The following MDFIC variants were observed in gnomAD, a reference collection of about 807,000 sequenced individuals.
The protein encoded by MDFIC is MyoD family inhibitor domain containing.
In MDFIC, 17 loss-of-function variants were observed where a neutral mutation model predicts 23.2. The ratio of observed to expected loss-of-function variants is 0.73; its 90% CI spans 0.50 to 1.10. MDFIC has a LOEUF of 1.10. Among genes scored for constraint, MDFIC ranks in the 50% least tolerant of loss-of-function variants. MDFIC has a pLI of 0.00. For missense variants in MDFIC, 356 were observed against 316.6 expected (o/e 1.12, Z -0.95); for synonymous variants, 120 against 115.2 (o/e 1.04, Z -0.27).
At chr7:115,005,295 G>A (rs1225770368) in intron 4 of MDFIC, among the ~76,000 whole-genome samples, 2 of 152,190 alleles carry the variant, frequency 1.3e-5, no homozygotes, top group African/African-American at 4.8e-5. Context: ...ATACTTGGCT[G>A]TCTTTGCCAC....
intron 3 of MDFIC, among the ~76,000 whole-genome samples, chr7:114,965,705 TG>T (rs1793081660): frequency 6.6e-6 from 1 of 152,214 alleles, no homozygotes; most frequent in Admixed American, 6.5e-5. Flanking sequence ...ATTCCCTCTC[TG>T]ACATCTATTA....
intron 4 of MDFIC, among the ~76,000 whole-genome samples, chr7:115,010,575 T>C (rs887867480): frequency 3.9e-5 from 6 of 152,196 alleles, no homozygotes; most frequent in African/African-American, 1.4e-4. Flanking sequence ...TCTATGATCT[T>C]GTAAATGCAT....
At chr7:114,925,008 C>T (rs1792161858) in intron 2 of MDFIC, among the ~76,000 whole-genome samples, 1 of 152,116 alleles carries the variant, frequency 6.6e-6, no homozygotes, top group Non-Finnish European at 1.5e-5. Flanking sequence ...TCTTTATCAT[C>T]CTTTCTGAAG....
At chr7:114,985,292 G>A (rs1328461262) in intron 4 of MDFIC, among the ~76,000 whole-genome samples, 1 of 152,124 alleles carries the variant, frequency 6.6e-6, no homozygotes, top group East Asian at 1.9e-4. Flanking sequence ...TGTTCGATAT[G>A]TGTTAGCTGC....
intron 3 of MDFIC, among the ~76,000 whole-genome samples, chr7:114,973,298 C>G (rs746097300): frequency 6.6e-6 from 1 of 152,064 alleles, no homozygotes; most frequent in Non-Finnish European, 1.5e-5. Context: ...AGGCTCCCCT[C>G]CCTGCTGCCA....
At chr7:114,927,685 A>G (rs1792220734) in intron 2 of MDFIC, among the ~76,000 whole-genome samples, 1 of 152,174 alleles carries the variant, frequency 6.6e-6, no homozygotes, top group South Asian at 2.1e-4. Context: ...ACATATGGCA[A>G]AACAAGGAAA....
chr7:114,982,847 T>G (rs528471918), intron 4 of MDFIC, among the ~76,000 whole-genome samples: 71 of 152,344 alleles, frequency 4.7e-4, no homozygotes, highest in African/African-American at 1.2e-3. Context: ...TCTAAGATGA[T>G]GCCTTGTTGC....
chr7:114,950,985 G>T (rs545513638), intron 3 of MDFIC, among the ~76,000 whole-genome samples: 2 of 151,982 alleles, frequency 1.3e-5, no homozygotes, highest in East Asian at 3.9e-4. Context: ...AAAAGCCAGG[G>T]CAATATAGTG....
At chr7:114,936,695 A>C (rs1274195342) in intron 2 of MDFIC, among the ~76,000 whole-genome samples, 1 of 152,196 alleles carries the variant, frequency 6.6e-6, no homozygotes, top group Admixed American at 6.5e-5. Context: ...GGGATGTGAA[A>C]CTAGCTGAGC....
At chr7:115,010,970 T>A (rs921428424) in intron 4 of MDFIC, among the ~76,000 whole-genome samples, 42 of 152,324 alleles carry the variant, frequency 2.8e-4, no homozygotes, top group African/African-American at 9.9e-4. Flanking sequence ...AATAATTTTT[T>A]AAAAAGAAAA....
At chr7:114,986,017 G>A (rs929912581) in intron 4 of MDFIC, among the ~76,000 whole-genome samples, 9 of 146,518 alleles carry the variant, frequency 6.1e-5, no homozygotes, top group African/African-American at 1.5e-4. Flanking sequence ...CATCTGCACC[G>A]TGATTACCTT....
intron 3 of MDFIC, among the ~76,000 whole-genome samples, chr7:114,976,076 A>T (rs1013233526): frequency 2.6e-5 from 4 of 152,168 alleles, no homozygotes; most frequent in Admixed American, 1.3e-4. Context: ...ATTTGCAAAT[A>T]GTCAATTTTG....
chr7:114,954,763 G>T (rs1792852953), intron 3 of MDFIC, among the ~76,000 whole-genome samples: 1 of 152,184 alleles, frequency 6.6e-6, no homozygotes, highest in Non-Finnish European at 1.5e-5. Context: ...TGTCCTGGGA[G>T]AATTAGTAAA....
chr7:114,957,513 A>G (rs1007590418), intron 3 of MDFIC, among the ~76,000 whole-genome samples: 1 of 152,160 alleles, frequency 6.6e-6, no homozygotes, highest in African/African-American at 2.4e-5. Context: ...TAATAAGTAA[A>G]AAAAAGATCA....
chr7:114,925,505 A>G (rs904990142), intron 2 of MDFIC, among the ~76,000 whole-genome samples: 2 of 152,140 alleles, frequency 1.3e-5, no homozygotes, highest in Non-Finnish European at 2.9e-5. Flanking sequence ...AAGGCTTTCT[A>G]TTGTTTTGAA....
At chr7:114,983,773 G>T (rs562855278) in intron 4 of MDFIC, among the ~76,000 whole-genome samples, 1 of 151,706 alleles carries the variant, frequency 6.6e-6, no homozygotes, top group Non-Finnish European at 1.5e-5. Flanking sequence ...GTTTCACCAC[G>T]TTGGCCAGGC....
intron 4 of MDFIC, among the ~76,000 whole-genome samples, chr7:115,013,616 G>C (rs1343935562): frequency 1.3e-5 from 2 of 152,188 alleles, no homozygotes; most frequent in Non-Finnish European, 2.9e-5. Flanking sequence ...TCACTTGAAG[G>C]TACATTGAAT....
At position 114,922,688 on chromosome 7, in the gene MDFIC, G is replaced by T. The variant is rs1003882577; in HGVS notation, c.-108+52G>T. 19 of 1,343,976 alleles carry T rather than the reference G, an allele frequency of 1.4e-5. No homozygotes were observed. The African/African-American group carries it at 2.8e-4, about 20-fold the overall frequency. 83.3% of individuals were successfully genotyped at this position (1,343,976 alleles called of 1,614,324 possible). Reference sequence around the variant, plus strand: ...GAGGAGGGGTTTGATCCCCATCCCCGGGGTTCTCCCAAACCCGATCTCTCT... The same window carrying T: ...GAGGAGGGGTTTGATCCCCATCCCCTGGGTTCTCCCAAACCCGATCTCTCT... On this transcript the variant is annotated intron_variant, in intron 1 of 4. Coordinates refer to ENST00000393486, the MANE Select transcript of MDFIC (RefSeq NM_001166345.3).
chr7:114,923,206 G>A, intron 2 of MDFIC, 79 bp downstream of exon 2: 1 of 1,496,772 alleles, frequency 6.7e-7, no homozygotes, highest in African/African-American at 1.4e-5. Flanking sequence ...ACAGATAGGG[G>A]TGGGGGGAGT....
Sources: allele counts gnomAD v4.1 joint callset (sites outside exome capture counted in the v4.1 genomes callset), GRCh38; gene constraint gnomAD v4.1.1; transcripts MANE v1.5; gene names NCBI Gene and HGNC (gene_info 2026-07-23, HGNC 2026-07-21).